Variants in ACO2 observed in about 807,000 individuals in gnomAD.
ACO2 encodes aconitase 2.
In ACO2, 31 loss-of-function variants were observed where a neutral mutation model predicts 84.5. That is an observed-to-expected ratio of 0.37 (90% CI 0.28 to 0.50). The LOEUF (loss-of-function observed/expected upper bound fraction) is 0.50, where lower values mean the gene tolerates loss of function less well. ACO2 is among the 20% of genes least tolerant of loss of function. ACO2 has a pLI of 0.97. For synonymous variants in ACO2, 414 were observed against 412.7 expected, an observed-to-expected ratio of 1.00 and a Z score of -0.04; for missense variants, 685 against 1,029.3, an observed-to-expected ratio of 0.67 and a Z score of 4.58.
rs367627820 is a variant in ACO2, at chr22:41,515,731, C to A, written c.685-36C>A. The A allele has an allele frequency of 1.2e-6, 2 of 1,611,938 alleles. No individual in the cohort carries two copies. The highest frequency in any genetic ancestry group is 8.5e-7 in the Non-Finnish European group (1 of 1,179,662). Reference sequence around the variant, plus strand: ...ACTTCGTGGCTGGCACAGGCACACACGGCCTCTCACAGCCGCCTCGCCCCC... The same window carrying A: ...ACTTCGTGGCTGGCACAGGCACACAAGGCCTCTCACAGCCGCCTCGCCCCC... On this transcript the variant is annotated intron_variant, in intron 5 of 17. Coordinates refer to ENST00000216254, the MANE Select transcript of ACO2 (RefSeq NM_001098.3). The surrounding 1 kb of genome is among the most constrained non-coding windows in gnomAD (Gnocchi z 5.8).
At chr22:41,492,534 G>A (rs1479195319) in intron 1 of ACO2, among the ~76,000 whole-genome samples, 2 of 152,202 alleles carry the variant, frequency 1.3e-5, no homozygotes, top group East Asian at 3.8e-4. Flanking sequence ...AATACTTTGA[G>A]AGGCAGAGGC....
chr22:41,524,721 G>A, intron 12 of ACO2, 125 bp from the exon 13 acceptor site: 2 of 1,457,980 alleles, frequency 1.4e-6, no homozygotes, highest in Non-Finnish European at 1.9e-6. Context: ...GAGGAACACA[G>A]GGGTCTGGGA....
intron 14 of ACO2, 99 bp from the exon 15 acceptor site, chr22:41,526,163 C>G: frequency 8.9e-7 from 1 of 1,126,854 alleles, no homozygotes; most frequent in Non-Finnish European, 1.3e-6. Flanking sequence ...TCTGTCACCC[C>G]TCCTGGGCCC....
In ACO2 at chr22:41,517,621, C is replaced by G; in HGVS notation, c.930C>G (p.Thr310=). ...GGATGAAGAAGTACCTGAGCAAGAC[C>G]GGCCGGGAAGGTGAGCTGGCAGGGG... ...NHRMKKYLSK[T]GREDIANLAD... is the part of the protein sequence containing the mutation. The change falls in exon 7 of 18, where the codon ACC becomes ACG. Residue 310 remains threonine (T), a synonymous_variant. Coordinates refer to ENST00000216254, the MANE Select transcript of ACO2 (RefSeq NM_001098.3). 1 of 1,613,944 alleles carries G rather than the reference C, an allele frequency of 6.2e-7. No individual in the cohort carries two copies. The highest frequency in any genetic ancestry group is 8.5e-7 in the Non-Finnish European group (1 of 1,179,958).
chr22:41,504,853 A>G (rs1371846375), intron 2 of ACO2, among the ~76,000 whole-genome samples: 4 of 148,974 alleles, frequency 2.7e-5, no homozygotes, highest in African/African-American at 7.5e-5. Context: ...CCTTCCCAGT[A>G]TCTGGGACTA....
chr22:41,469,341 GC>G, intron 1 of ACO2, 159 bp downstream of exon 1: 1 of 834,092 alleles, frequency 1.2e-6, no homozygotes. Flanking sequence ...CTTCTCTGGT[GC>G]CCTAGGTCAA....
At chr22:41,518,436 A>G in intron 7 of ACO2, 45 bp from the exon 8 acceptor site, 1 of 1,473,014 alleles carries the variant, frequency 6.8e-7, no homozygotes, top group Non-Finnish European at 9.5e-7. Flanking sequence ...TCTCAAGAAC[A>G]GTTTATGTTT....
intron 1 of ACO2, among the ~76,000 whole-genome samples, chr22:41,480,065 G>A (rs1276808527): frequency 6.6e-6 from 1 of 152,226 alleles, no homozygotes; most frequent in African/African-American, 2.4e-5. Flanking sequence ...GCTGGCAGGA[G>A]GGAATTGTTT....
intron 1 of ACO2, among the ~76,000 whole-genome samples, chr22:41,469,981 C>A (rs979555237): frequency 6.6e-6 from 1 of 152,156 alleles, no homozygotes; most frequent in Non-Finnish European, 1.5e-5. Context: ...TTATGAACCA[C>A]GGTGCAATTA....
At chr22:41,527,854 T>C in intron 16 of ACO2, 47 bp from the exon 17 acceptor site, 1 of 1,613,852 alleles carries the variant, frequency 6.2e-7, no homozygotes, top group Non-Finnish European at 8.5e-7. Context: ...AATGAAGCTC[T>C]CCAGGCTAGT....
At chr22:41,511,816 T>G in intron 3 of ACO2, 60 bp from the exon 4 acceptor site, 2 of 1,351,352 alleles carry the variant, frequency 1.5e-6, no homozygotes, top group Non-Finnish European at 1.0e-6. Flanking sequence ...GAGGGCTTGG[T>G]GAGGGTCACC....
At chr22:41,476,219 C>A (rs937375755) in intron 1 of ACO2, among the ~76,000 whole-genome samples, 6 of 151,778 alleles carry the variant, frequency 4.0e-5, no homozygotes, top group Admixed American at 3.9e-4. Flanking sequence ...ACCAGCCTGA[C>A]CAACATGGTG....
intron 6 of ACO2, 138 bp downstream of exon 6, chr22:41,516,055 G>A: frequency 1.8e-6 from 2 of 1,133,498 alleles, no homozygotes; most frequent in South Asian, 1.3e-5. Context: ...GACAGAGGTA[G>A]AAGGAAAATT....
intron 1 of ACO2, among the ~76,000 whole-genome samples, chr22:41,495,622 A>T (rs1025967737): frequency 2.1e-5 from 2 of 97,314 alleles, no homozygotes; most frequent in Non-Finnish European, 2.1e-5. Context: ...AGTTATTTTT[A>T]TTTCTTTTTT....
At chr22:41,475,511 A>G (rs750545043) in intron 1 of ACO2, among the ~76,000 whole-genome samples, 2 of 152,058 alleles carry the variant, frequency 1.3e-5, no homozygotes, top group Non-Finnish European at 2.9e-5. Flanking sequence ...TCGTTTTCCC[A>G]GCACCTGGTT....
intron 1 of ACO2, among the ~76,000 whole-genome samples, chr22:41,472,638 T>TG (rs924544663): frequency 6.6e-6 from 1 of 151,964 alleles, no homozygotes; most frequent in Non-Finnish European, 1.5e-5. Flanking sequence ...TTTAAAGAAA[T>TG]GGGGGTCTCG....
chr22:41,527,731 C>A, intron 16 of ACO2, 170 bp from the exon 17 acceptor site: 1 of 1,138,078 alleles, frequency 8.8e-7, no homozygotes, highest in Non-Finnish European at 1.2e-6. Flanking sequence ...CGCACACTTG[C>A]TAGGGGCACC....
chr22:41,478,467 T>A (rs2038046636), intron 1 of ACO2, among the ~76,000 whole-genome samples: 1 of 152,200 alleles, frequency 6.6e-6, no homozygotes, highest in Non-Finnish European at 1.5e-5. Flanking sequence ...CAATACTGTT[T>A]TAAAAGAGTT....
At position 41,524,918 on chromosome 22, in the gene ACO2, G is replaced by A. The variant is rs1302365723; in HGVS notation, c.1555G>A (p.Gly519Ser). Residue 519 changes from glycine to serine, a missense_variant, in exon 13 of 18, where the codon GGC (glycine) becomes AGC (serine). Around this residue, in one of 5 missense-constraint regions of ACO2, gnomAD observed 311 missense variants for 441.6 expected, o/e 0.70. Coordinates refer to ENST00000216254, the MANE Select transcript of ACO2 (RefSeq NM_001098.3). ...GACCGACTACCTGACGGGCACGGATGGCAAGAAGTTCAGGCTGGAGGCTCC... is the reference window on the plus strand; with the variant it reads ...GACCGACTACCTGACGGGCACGGATAGCAAGAAGTTCAGGCTGGAGGCTCC... The part of the protein sequence containing the change: ...PETDYLTGTD[G>S]KKFRLEAPDA... The A allele has an allele frequency of 1.9e-6, 3 of 1,614,212 alleles. No individual in the cohort carries two copies. The highest frequency in any genetic ancestry group is 2.5e-6 in the Non-Finnish European group (3 of 1,180,044).
Sources: allele counts gnomAD v4.1 joint callset (sites outside exome capture counted in the v4.1 genomes callset), GRCh38; gene constraint gnomAD v4.1.1; regional missense constraint gnomAD v4.1.1; non-coding constraint Gnocchi (gnomAD v3.1); transcripts MANE v1.5; gene names NCBI Gene and HGNC (gene_info 2026-07-23, HGNC 2026-07-21).